The following PPP6R2 variants were observed in gnomAD, a reference collection of about 807,000 sequenced individuals.
PPP6R2 encodes protein phosphatase 6 regulatory subunit 2, also known as serine/threonine-protein phosphatase 6 regulatory subunit 2.
A neutral mutation model predicts 100.2 loss-of-function variants in PPP6R2; 62 were observed. That is an observed-to-expected ratio of 0.62 (90% CI 0.50 to 0.76). PPP6R2 has a LOEUF of 0.76. Among genes scored for constraint, PPP6R2 ranks in the 30% least tolerant of loss-of-function variants. The pLI, the probability that PPP6R2 is intolerant of heterozygous loss-of-function variation, is 0.00. For missense variants in PPP6R2, 1,142 were observed against 1,276.3 expected, an observed-to-expected ratio of 0.89 and a Z score of 1.60; for synonymous variants, 525 against 514.7, an observed-to-expected ratio of 1.02 and a Z score of -0.27.
At chr22:50,382,597 A>G (rs2053352509) in intron 2 of PPP6R2, among the ~76,000 whole-genome samples, 1 of 152,160 alleles carries the variant, frequency 6.6e-6, no homozygotes, top group Admixed American at 6.6e-5. Flanking sequence ...AAGTAGAATT[A>G]TAAATAAAAA....
At chr22:50,337,380 G>GT in the PPP6R2 span, among the ~76,000 whole-genome samples, 7 of 115,788 alleles carry the variant, frequency 6.0e-5, no homozygotes, top group East Asian at 2.8e-4. Context: ...CTGTGTGGGG[G>GT]GTGTGTGTGT....
At chr22:50,352,076 T>G (rs2148106138) in intron 1 of PPP6R2, among the ~76,000 whole-genome samples, 1 of 150,000 alleles carries the variant, frequency 6.7e-6, no homozygotes, top group Non-Finnish European at 1.5e-5. Flanking sequence ...ATTACAGGCG[T>G]GAGCCACCGC....
At chr22:50,440,620 G>A (rs572434487) in intron 21 of PPP6R2, among the ~76,000 whole-genome samples, 2 of 152,364 alleles carry the variant, frequency 1.3e-5, no homozygotes, top group South Asian at 4.1e-4. Flanking sequence ...TCATGGGGGA[G>A]GCAACAGGGT....
chr22:50,348,894 C>CA (rs1223673259), intron 1 of PPP6R2, among the ~76,000 whole-genome samples: 2 of 151,510 alleles, frequency 1.3e-5, no homozygotes, highest in Non-Finnish European at 2.9e-5. Flanking sequence ...CCTATCTCTA[C>CA]AAAAACAAAA....
the PPP6R2 span, among the ~76,000 whole-genome samples, chr22:50,331,139 G>C: frequency 6.6e-6 from 1 of 152,170 alleles, no homozygotes; most frequent in African/African-American, 2.4e-5. Context: ...GCATGTTGTT[G>C]CATGTACCAG....
chr22:50,425,270 C>CT (rs1353191500), intron 10 of PPP6R2, among the ~76,000 whole-genome samples: 1 of 152,154 alleles, frequency 6.6e-6, no homozygotes, highest in Non-Finnish European at 1.5e-5. Flanking sequence ...TTGTGACTGA[C>CT]TTATTTCACT....
At chr22:50,339,026 TGG>T (rs2042337458), upstream of PPP6R2, among the ~76,000 whole-genome samples, 1 of 106,060 alleles carries the variant, frequency 9.4e-6, no homozygotes, top group African/African-American at 3.6e-5. Flanking sequence ...TGTGTGTGTG[TGG>T]TGTGTGTGTG....
rs1032939817 is a variant in PPP6R2 at position 50,404,287 on chromosome 22, G to T, written c.228-2402G>T. 2.6e-5 allele frequency among the ~76,000 whole-genome samples: 4 copies of T among 151,744 alleles called. No individual in the cohort carries two copies. The South Asian group carries it at 8.4e-4, about 32-fold the overall frequency. Reference sequence around the variant, plus strand: ...TTTTTGTATTTTTAGTAGAGATGGGGTTTCACCATGTTGGCCAGAATGGTG... The same window carrying T: ...TTTTTGTATTTTTAGTAGAGATGGGTTTTCACCATGTTGGCCAGAATGGTG... On this transcript the variant is annotated intron_variant, in intron 3 of 23. Coordinates refer to ENST00000612753, the MANE Select transcript of PPP6R2 (RefSeq NM_001242898.2).
chr22:50,383,531 A>G (rs993756015), intron 2 of PPP6R2, among the ~76,000 whole-genome samples: 2 of 152,144 alleles, frequency 1.3e-5, no homozygotes, highest in Non-Finnish European at 2.9e-5. Flanking sequence ...GCCAGGTAGC[A>G]TTAAGCCTTG....
chr22:50,412,630 C>CTTTTTTTTT, intron 4 of PPP6R2, among the ~76,000 whole-genome samples: 1 of 79,866 alleles, frequency 1.3e-5, no homozygotes, highest in Non-Finnish European at 2.2e-5. Flanking sequence ...TAAATAAGTC[C>CTTTTTTTTT]TTTTTTTTTT....
Position 50,381,382 on chromosome 22 carries a change from TCAGCATCACACGGGCCCCACC to T in PPP6R2, c.-17+9233_-17+9253del, listed in dbSNP as rs1445487371. Among the ~76,000 whole-genome samples the T allele has an allele frequency of 3.1e-4, 22 of 69,956 alleles. 1 individual carries two copies. Among genetic ancestry groups the T allele is most frequent in the African/African-American group, 1.6e-3 (20 of 12,534 alleles). The allele number at this position is 69,956 out of a possible 152,430, so 45.9% of individuals were successfully genotyped here. On this transcript the variant is annotated intron_variant, in intron 2 of 23. Coordinates refer to ENST00000612753, the MANE Select transcript of PPP6R2 (RefSeq NM_001242898.2). ...ACCTCAGCACCACACGGGCCCCACCTCAGCATCACACGGGCCCCACCTCAGCACCACACGGGCCCCACCTCA... is the reference window on the plus strand; with the variant it reads ...ACCTCAGCACCACACGGGCCCCACCTTCAGCACCACACGGGCCCCACCTCA...
At chr22:50,369,732 C>G (rs1223004050) in intron 1 of PPP6R2, among the ~76,000 whole-genome samples, 1 of 151,948 alleles carries the variant, frequency 6.6e-6, no homozygotes, top group Non-Finnish European at 1.5e-5. Flanking sequence ...GTCTTGAACT[C>G]CTGACCTCAA....
At chr22:50,397,906 G>A (rs1383883398) in intron 3 of PPP6R2, among the ~76,000 whole-genome samples, 4 of 138,676 alleles carry the variant, frequency 2.9e-5, no homozygotes, top group African/African-American at 1.1e-4. Flanking sequence ...GGGGGCGGGG[G>A]GGCCTGTCCT....
At chr22:50,379,661 C>G (rs1051494311) in intron 2 of PPP6R2, among the ~76,000 whole-genome samples, 6 of 152,118 alleles carry the variant, frequency 3.9e-5, no homozygotes, top group African/African-American at 1.2e-4. Flanking sequence ...GGGAGGGTCA[C>G]TTGAGCCCAG....
intron 2 of PPP6R2, among the ~76,000 whole-genome samples, chr22:50,373,240 C>CTTTTTT (rs530254249): frequency 1.1e-4 from 14 of 126,438 alleles, no homozygotes; most frequent in South Asian, 7.8e-4. Flanking sequence ...TAATTTCTTT[C>CTTTTTT]TTTTTTTTTT....
At chr22:50,416,661 CTA>C (rs1317923752) in intron 6 of PPP6R2, among the ~76,000 whole-genome samples, 3 of 151,710 alleles carry the variant, frequency 2.0e-5, no homozygotes, top group Non-Finnish European at 4.4e-5. Context: ...GAAAAATAAT[CTA>C]TGTGTATTAT....
At chr22:50,387,221 C>T (rs2054437412) in intron 2 of PPP6R2, among the ~76,000 whole-genome samples, 1 of 151,998 alleles carries the variant, frequency 6.6e-6, no homozygotes, top group African/African-American at 2.4e-5. Flanking sequence ...ACCACCATGC[C>T]CAGCTAGTTT....
intron 4 of PPP6R2, among the ~76,000 whole-genome samples, chr22:50,410,548 C>T (rs914866962): frequency 8.6e-5 from 12 of 139,052 alleles, no homozygotes; most frequent in Admixed American, 3.2e-4. Flanking sequence ...GCAATCTTGG[C>T]TCACTGCAAC....
intron 4 of PPP6R2, among the ~76,000 whole-genome samples, chr22:50,407,227 A>G (rs1043325638): frequency 3.9e-5 from 6 of 151,922 alleles, no homozygotes; most frequent in African/African-American, 1.5e-4. Flanking sequence ...CGCACCTGTC[A>G]TCCCAGCTAC....
Sources: allele counts gnomAD v4.1 joint callset (sites outside exome capture counted in the v4.1 genomes callset), GRCh38; gene constraint gnomAD v4.1.1; transcripts MANE v1.5; gene names NCBI Gene and HGNC (gene_info 2026-07-23, HGNC 2026-07-21).